Variants in TAAR5 observed in about 807,000 individuals in gnomAD.
The protein encoded by TAAR5 is trace amine associated receptor 5.
In TAAR5, 27 loss-of-function variants were observed where a neutral mutation model predicts 21.1. The ratio of observed to expected loss-of-function variants is 1.28; its 90% CI spans 0.94 to 1.76. TAAR5 has a LOEUF of 1.76. TAAR5 is among the 40% of genes most tolerant of loss of function. The pLI is 0.00. For missense variants in TAAR5, 495 were observed against 405.6 expected, an observed-to-expected ratio of 1.22 and a Z score of -1.89; for synonymous variants, 203 against 167.5, an observed-to-expected ratio of 1.21 and a Z score of -1.64.
chr6:132,588,961 C>A lies in TAAR5; in HGVS notation c.726G>T (p.Gly242=). Residue 242 remains glycine, a synonymous_variant, in exon 1 of 1, where the codon GGG becomes GGT. Coordinates refer to ENST00000258034, the MANE Select transcript of TAAR5 (RefSeq NM_003967.3). The part of the protein sequence containing the change: ...QITTLSKSLA[G]AAKHERKAAK... Reference sequence around the variant, plus strand: ...CAGCTTTTCTCTCATGCTTGGCAGCCCCAGCCAGGCTTTTGCTCAATGTGG... The same window carrying A: ...CAGCTTTTCTCTCATGCTTGGCAGCACCAGCCAGGCTTTTGCTCAATGTGG... 3 of 1,614,050 alleles carry A rather than the reference C, an allele frequency of 1.9e-6. No individual in the cohort carries two copies.
chr6:132,612,632 G>A, the TAAR5 span, among the ~76,000 whole-genome samples: 1 of 152,166 alleles, frequency 6.6e-6, no homozygotes, highest in Non-Finnish European at 1.5e-5. Flanking sequence ...GCAGTTGGGA[G>A]GTGCTGCTGC....
chr6:132,612,331 AT>A, the TAAR5 span, among the ~76,000 whole-genome samples: 1 of 152,220 alleles, frequency 6.6e-6, no homozygotes, highest in African/African-American at 2.4e-5. Context: ...TGCTTTAAAA[AT>A]ATCTGTGTTG....
the TAAR5 span, chr6:132,609,096 C>T: frequency 2.2e-6 from 1 of 446,022 alleles, no homozygotes; most frequent in South Asian, 1.6e-5. Context: ...GAGAGTGAAG[C>T]TGTTTGAAAT....
the TAAR5 span, among the ~76,000 whole-genome samples, chr6:132,600,131 G>A: frequency 6.6e-6 from 1 of 152,136 alleles, no homozygotes; most frequent in Non-Finnish European, 1.5e-5. Context: ...TGTGTTCTCA[G>A]ACTCCTGAGG....
At chr6:132,596,684 A>G in the TAAR5 span, among the ~76,000 whole-genome samples, 20,105 of 152,140 alleles carry the variant, frequency 0.13, 1,761 homozygotes, top group Admixed American at 0.2. Flanking sequence ...CCAATCAAAT[A>G]TTAAACAATT....
At chr6:132,591,351 G>A (rs1036934265), upstream of TAAR5, among the ~76,000 whole-genome samples, 3 of 152,112 alleles carry the variant, frequency 2.0e-5, no homozygotes, top group Admixed American at 6.5e-5. Context: ...AATTCTAGAG[G>A]TGACACCAAA....
chr6:132,609,751 G>A, the TAAR5 span, among the ~76,000 whole-genome samples: 2 of 152,236 alleles, frequency 1.3e-5, no homozygotes, highest in South Asian at 4.1e-4. Context: ...TTTTTCTTTA[G>A]GCATTCTTTT....
the TAAR5 span, among the ~76,000 whole-genome samples, chr6:132,611,946 G>A: frequency 4.8e-3 from 732 of 152,102 alleles, 2 homozygotes; most frequent in African/African-American, 0.017. Context: ...ATTCATTTTC[G>A]AAGTCTCCTG....
rs1776848161 is a variant in TAAR5, at chr6:132,588,621, C to G, written c.*52G>C. The G allele has an allele frequency of 6.4e-7, 1 of 1,557,868 alleles. No individual in the cohort carries two copies. Among genetic ancestry groups the G allele is most frequent in the Admixed American group, 1.8e-5 (1 of 56,890 alleles). On this transcript the variant is annotated 3_prime_UTR_variant, in exon 1 of 1. Coordinates refer to ENST00000258034, the MANE Select transcript of TAAR5 (RefSeq NM_003967.3). The stretch of plus-strand genomic sequence containing the variant: ...ACCACACAGCCCACGGTCACAGTGC[C>G]ACTTATCTTTCCTGTGAGGTCCTAC...
At chr6:132,603,708 T>G in the TAAR5 span, among the ~76,000 whole-genome samples, 1 of 152,180 alleles carries the variant, frequency 6.6e-6, no homozygotes, top group Non-Finnish European at 1.5e-5. Context: ...AAGAGAAGTT[T>G]AAAATGTTTA....
upstream of TAAR5, among the ~76,000 whole-genome samples, chr6:132,591,484 G>T (rs1582727555): frequency 6.6e-6 from 1 of 152,152 alleles, no homozygotes; most frequent in South Asian, 2.1e-4. Context: ...CCAAGGCAAA[G>T]CTCCCTATAG....
Position 132,589,676 on chromosome 6 carries a change from A to G in TAAR5, c.11T>C (p.Val4Ala). 1 of 1,523,184 alleles carries G rather than the reference A, an allele frequency of 6.6e-7. No homozygotes were observed. The highest frequency in any genetic ancestry group is 8.9e-7 in the Non-Finnish European group (1 of 1,126,670). 94.4% of individuals were successfully genotyped at this position (1,523,184 alleles called of 1,614,324 possible). MRAVFIQGAEEHPA... is the reference protein window; with the variant it reads MRAAFIQGAEEHPA... ...GTGCTCTTCAGCACCTTGGATGAAG[A>G]CAGCTCTCATTTATGATTTCTACTC... is the stretch of plus-strand genomic sequence containing the variant. Residue 4 changes from valine to alanine, a missense_variant, in exon 1 of 1, where the codon GTC becomes GCC. By Grantham distance (64) the Val-to-Ala change is moderately conservative. Coordinates refer to ENST00000258034, the MANE Select transcript of TAAR5 (RefSeq NM_003967.3).
the TAAR5 span, among the ~76,000 whole-genome samples, chr6:132,616,156 G>A: frequency 6.6e-6 from 1 of 151,980 alleles, no homozygotes; most frequent in Non-Finnish European, 1.5e-5. Flanking sequence ...ATATACCATG[G>A]AAATCATCAA....
At chr6:132,595,045 C>A in the TAAR5 span, 3 of 152,180 alleles carry the variant, frequency 2.0e-5, no homozygotes, top group Non-Finnish European at 2.9e-5. Context: ...AGCATCGTAA[C>A]GGTCAACTGA....
rs1303030329 is a variant in TAAR5 at position 132,588,733 on chromosome 6, G to T, written c.954C>A (p.Leu318=). The change falls in exon 1 of 1, where the codon CTC becomes CTA. Residue 318 remains leucine, a synonymous_variant. Transcript: ENST00000258034. ...SYQWFRKALK[L]TLSQKVFSPQ... is the part of the protein sequence containing the mutation. ...GTGAGAAGACCTTCTGGCTCAGTGT[G>T]AGTTTCAGTGCCTTCCGAAACCACT... is the stretch of plus-strand genomic sequence containing the variant. The T allele has an allele frequency of 6.2e-7, 1 of 1,614,038 alleles. No individual in the cohort carries two copies. The highest frequency in any genetic ancestry group is 8.5e-7 in the Non-Finnish European group (1 of 1,179,980).
the TAAR5 span, among the ~76,000 whole-genome samples, chr6:132,600,472 C>G: frequency 6.6e-6 from 1 of 152,090 alleles, no homozygotes. Context: ...TCTGAACTCC[C>G]CAATCGGCCA....
Position 132,589,438 on chromosome 6 carries a change from C to A in TAAR5, c.249G>T (p.Leu83=). The A allele has an allele frequency of 6.2e-7, 1 of 1,613,930 alleles. No individual in the cohort carries two copies. Among genetic ancestry groups the A allele is most frequent in the Non-Finnish European group, 8.5e-7 (1 of 1,179,888 alleles). The change falls in exon 1 of 1, where the codon CTG becomes CTT. Residue 83 remains leucine (L), a synonymous_variant. Coordinates refer to ENST00000258034, the MANE Select transcript of TAAR5 (RefSeq NM_003967.3). ...LLSLALADMF[L]GLLVLPLSTI... Reference sequence around the variant, plus strand: ...TGCTGAGGGGCAGCACCAGCAGACCCAGAAACATGTCAGCCAGGGCCAGGG... The same window carrying A: ...TGCTGAGGGGCAGCACCAGCAGACCAAGAAACATGTCAGCCAGGGCCAGGG...
chr6:132,616,623 C>G, the TAAR5 span, among the ~76,000 whole-genome samples: 4 of 152,180 alleles, frequency 2.6e-5, no homozygotes, highest in Non-Finnish European at 1.5e-5. Context: ...CTAGTAAAGG[C>G]TTAACTCTCA....
the TAAR5 span, among the ~76,000 whole-genome samples, chr6:132,604,830 T>A: frequency 6.6e-6 from 1 of 152,042 alleles, no homozygotes; most frequent in Non-Finnish European, 1.5e-5. Flanking sequence ...TGGGCAGTGT[T>A]TAAGGAAACC....
Sources: allele counts gnomAD v4.1 joint callset (sites outside exome capture counted in the v4.1 genomes callset), GRCh38; gene constraint gnomAD v4.1.1; transcripts MANE v1.5; gene names NCBI Gene and HGNC (gene_info 2026-07-23, HGNC 2026-07-21).